OTUB1: variants seen among roughly 807,000 people sequenced by gnomAD.
OTUB1 encodes OTU deubiquitinase, ubiquitin aldehyde binding 1.
Under a neutral mutation model 35.8 loss-of-function variants are expected in OTUB1, and 10 were observed. The observed-to-expected ratio is 0.28, with a 90% CI of 0.17 to 0.47. The LOEUF (loss-of-function observed/expected upper bound fraction) is 0.47, where lower values mean the gene tolerates loss of function less well. OTUB1 is among the 20% of genes least tolerant of loss of function. OTUB1 has a pLI of 0.99. For missense variants in OTUB1, 264 were observed against 351.6 expected, an observed-to-expected ratio of 0.75 and a Z score of 1.99; for synonymous variants, 158 against 143.8, an observed-to-expected ratio of 1.10 and a Z score of -0.71.
At chr11:63,986,692 A>AC (rs924170025) in intron 1 of OTUB1, 178 bp downstream of exon 1, 23 of 539,578 alleles carry the variant, frequency 4.3e-5, no homozygotes, top group African/African-American at 3.6e-4. Context: ...CACCGCCGCG[A>AC]CCCCCGGCCG....
chr11:63,990,079 A>C (rs1036678078), intron 3 of OTUB1: 5 of 151,444 alleles, frequency 3.3e-5, no homozygotes, highest in African/African-American at 1.2e-4. Flanking sequence ...CAGGCTGGGC[A>C]GGAGCTGATG....
rs1263759554 is a variant in OTUB1 at position 63,997,113 on chromosome 11, A to G, written c.487A>G (p.Asn163Asp). The change falls in exon 6 of 7, where the codon AAT becomes GAT. Residue 163 changes from asparagine (N) to aspartate (D), a missense_variant. Coordinates refer to ENST00000538426, the MANE Select transcript of OTUB1 (RefSeq NM_017670.3). ...TGTCGCCGACCTGCTGGCCTCCTTC[A>G]ATGACCAGAGCACCTCCGACTACCT... ...TSVADLLASF[N>D]DQSTSDYLVV... 1.2e-6 allele frequency: 2 copies of G among 1,614,158 alleles called. No homozygotes were observed. The highest frequency in any genetic ancestry group is 1.7e-6 in the Non-Finnish European group (2 of 1,180,020).
chr11:63,997,370 G>A lies in OTUB1; in HGVS notation c.640G>A (p.Glu214Lys). The A allele has an allele frequency of 6.2e-7, 1 of 1,614,100 alleles. No individual in the cohort carries two copies. Among genetic ancestry groups the A allele is most frequent in the Non-Finnish European group, 8.5e-7 (1 of 1,180,018 alleles). ...ACAGGAGGTGGAGCCCATGTGCAAG[G>A]AGAGCGACCACATCCACATCATTGC... Reference protein sequence around the residue: ...CQQEVEPMCKESDHIHIIALA... With the variant: ...CQQEVEPMCKKSDHIHIIALA... Residue 214 changes from glutamate (E) to lysine (K), a missense_variant, in exon 7 of 7, where the codon GAG (glutamate) becomes AAG (lysine). Physicochemically the swap from Glu to Lys is moderately conservative, Grantham distance 56. Coordinates refer to ENST00000538426, the MANE Select transcript of OTUB1 (RefSeq NM_017670.3).
chr11:63,996,970 G>A lies in OTUB1; in HGVS notation c.423+29G>A, dbSNP rs760288744. On this transcript the variant is annotated intron_variant, in intron 5 of 6. Coordinates refer to ENST00000538426, the MANE Select transcript of OTUB1 (RefSeq NM_017670.3). ...AGCCCTGGTGCCTGTCTTGGGCTGG[G>A]CCATGGGGGAGGGGTTCACCTGGTG... 10 of 1,613,524 alleles carry A rather than the reference G, an allele frequency of 6.2e-6. No individual in the cohort carries two copies. In the East Asian group the frequency reaches 1.6e-4, roughly 25 times the overall value.
chr11:63,993,535 G>A (rs900555911), intron 3 of OTUB1, among the ~76,000 whole-genome samples: 4 of 151,994 alleles, frequency 2.6e-5, no homozygotes, highest in Admixed American at 1.3e-4. Context: ...ATAGTGGCGC[G>A]CGCCTGTAGT....
At position 63,986,461 on chromosome 11, in the gene OTUB1, C is replaced by T; in HGVS notation, c.5C>T (p.Ala2Val). The change falls in exon 1 of 7, where the codon GCG becomes GTG. Residue 2 changes from alanine to valine, a missense_variant. By Grantham distance (64) the Ala-to-Val change is moderately conservative. Transcript: ENST00000538426. ...GTAGTGCGGCGCTGTTTAAAGATGG[C>T]GGCGGAGGAACCTCAGCAGCAGAAG... M[A>V]AEEPQQQKQE... 1 of 1,554,872 alleles carries T rather than the reference C, an allele frequency of 6.4e-7. No homozygotes were observed. The highest frequency in any genetic ancestry group is 8.7e-7 in the Non-Finnish European group (1 of 1,149,396).
At chr11:63,995,786 G>C (rs1439469473) in intron 3 of OTUB1, among the ~76,000 whole-genome samples, 1 of 152,062 alleles carries the variant, frequency 6.6e-6, no homozygotes, top group Non-Finnish European at 1.5e-5. Context: ...TCATCAGCTG[G>C]GGGTAGGAGC....
chr11:63,987,625 G>A (rs1468206865), intron 1 of OTUB1, among the ~76,000 whole-genome samples: 1 of 152,220 alleles, frequency 6.6e-6, no homozygotes, highest in Non-Finnish European at 1.5e-5. Flanking sequence ...GGGTTTGACC[G>A]CAGGTCTTTT....
In OTUB1 at chr11:63,997,899, G is replaced by A. The variant is rs995857337; in HGVS notation, c.*353G>A. Reference sequence around the variant, plus strand: ...TTCCTTCCCTTCTTAGCTGGCTCAGGGGCTTCTATGGGATCCTGGAAGTTC... The same window carrying A: ...TTCCTTCCCTTCTTAGCTGGCTCAGAGGCTTCTATGGGATCCTGGAAGTTC... On this transcript the variant is annotated 3_prime_UTR_variant, in exon 7 of 7. Transcript: ENST00000538426. 4.9e-6 allele frequency: 3 copies of A among 614,938 alleles called. No homozygotes were observed. The East Asian group carries it at 8.2e-5, about 17-fold the overall frequency. The allele number at this position is 614,938 out of a possible 1,614,324, so 38.1% of individuals were successfully genotyped here. A position where few individuals can be genotyped will look rare whatever the true frequency, so the allele number is the denominator to read the frequency against.
intron 3 of OTUB1, chr11:63,989,008 T>C: frequency 1.0e-5 from 3 of 292,018 alleles, no homozygotes; most frequent in Non-Finnish European, 1.9e-5. Flanking sequence ...GAGCAAAACT[T>C]CATCTCAGAA....
chr11:63,996,849 AC>A lies in OTUB1; in HGVS notation c.339-3del. The stretch of plus-strand genomic sequence containing the variant: ...CATGCTGGGCCCGCCTTTCCATCCC[AC>A]CCCCAGGTTCAAGGCTGTGTCTGCC... On this transcript the variant is annotated splice_region_variant and splice_polypyrimidine_tract_variant and intron_variant, in intron 4 of 6. Coordinates refer to ENST00000538426, the MANE Select transcript of OTUB1 (RefSeq NM_017670.3). 1 of 1,613,830 alleles carries A rather than the reference AC, an allele frequency of 6.2e-7. No individual in the cohort carries two copies. Among genetic ancestry groups the A allele is most frequent in the South Asian group, 1.1e-5 (1 of 91,060 alleles).
At position 63,997,454 on chromosome 11, in the gene OTUB1, G is replaced by A. The variant is rs1332837418; in HGVS notation, c.724G>A (p.Gly242Ser). The change falls in exon 7 of 7, where the codon GGC becomes AGC. Residue 242 changes from glycine to serine, a missense_variant. Physicochemically the swap from Gly to Ser is moderately conservative, Grantham distance 56 (BLOSUM62 0). Around this residue, in one of 2 missense-constraint regions of OTUB1, gnomAD observed 214 missense variants for 317.1 expected, o/e 0.67. Coordinates refer to ENST00000538426, the MANE Select transcript of OTUB1 (RefSeq NM_017670.3). ...QVEYMDRGEG[G>S]TTNPHIFPEG... is the part of the protein sequence containing the mutation. ...GGAGTACATGGACCGCGGCGAGGGC[G>A]GCACCACCAATCCGCACATCTTCCC... The A allele has an allele frequency of 4.3e-6, 7 of 1,613,978 alleles. No individual in the cohort carries two copies. Among genetic ancestry groups the A allele is most frequent in the East Asian group, 2.2e-5 (1 of 44,892 alleles).
intron 3 of OTUB1, among the ~76,000 whole-genome samples, chr11:63,995,664 C>T (rs980604334): frequency 7.3e-5 from 11 of 151,354 alleles, no homozygotes; most frequent in African/African-American, 2.7e-4. Context: ...TGGGGGTGGG[C>T]TAGTGTGGAG....
At chr11:63,990,608 ATAAAT>A (rs1942664667) in intron 3 of OTUB1, 1 of 151,426 alleles carries the variant, frequency 6.6e-6, no homozygotes, top group Non-Finnish European at 1.5e-5. Context: ...AAATAAATAA[ATAAAT>A]AAATAAATAA....
intron 3 of OTUB1, chr11:63,988,995 T>A: frequency 2.8e-6 from 1 of 351,302 alleles, no homozygotes; most frequent in South Asian, 7.4e-5. Flanking sequence ...GCCTGGGTGA[T>A]AAGAGCAAAA....
Position 63,986,464 on chromosome 11 carries a change from C to T in OTUB1, c.8C>T (p.Ala3Val). 1 of 1,555,136 alleles carries T rather than the reference C, an allele frequency of 6.4e-7. No individual in the cohort carries two copies. Among genetic ancestry groups the T allele is most frequent in the Non-Finnish European group, 8.7e-7 (1 of 1,149,594 alleles). The stretch of plus-strand genomic sequence containing the variant: ...GTGCGGCGCTGTTTAAAGATGGCGG[C>T]GGAGGAACCTCAGCAGCAGAAGCAG... Reference protein sequence around the residue: MAAEEPQQQKQEP... With the variant: MAVEEPQQQKQEP... The change falls in exon 1 of 7, where the codon GCG (alanine) becomes GTG (valine). Residue 3 changes from alanine (A) to valine (V), a missense_variant. Transcript: ENST00000538426.
At chr11:63,987,933 C>G (rs1942636212) in intron 1 of OTUB1, among the ~76,000 whole-genome samples, 1 of 152,068 alleles carries the variant, frequency 6.6e-6, no homozygotes, top group South Asian at 2.1e-4. Context: ...GCACCTCTGC[C>G]CCTTCATTTT....
In OTUB1 at chr11:63,997,742, G is replaced by A. The variant is rs1176907489; in HGVS notation, c.*196G>A. On this transcript the variant is annotated 3_prime_UTR_variant, in exon 7 of 7. Coordinates refer to ENST00000538426, the MANE Select transcript of OTUB1 (RefSeq NM_017670.3). ...TCCCTGCTCTGCTGCCCGCCTGGCT[G>A]CTCTGTCTGCTGCCCCCTCCCCCCA... 1.4e-6 allele frequency: 1 copy of A among 703,480 alleles called. No individual in the cohort carries two copies. The allele number at this position is 703,480 out of a possible 1,614,324, so 43.6% of individuals were successfully genotyped here.
At chr11:63,991,257 G>A (rs924998111) in intron 3 of OTUB1, among the ~76,000 whole-genome samples, 1 of 152,288 alleles carries the variant, frequency 6.6e-6, no homozygotes, top group East Asian at 1.9e-4. Context: ...TGTTACGGGC[G>A]GTTGTAAGCA....
Sources: allele counts gnomAD v4.1 joint callset (sites outside exome capture counted in the v4.1 genomes callset), GRCh38; gene constraint gnomAD v4.1.1; regional missense constraint gnomAD v4.1.1; transcripts MANE v1.5; gene names NCBI Gene and HGNC (gene_info 2026-07-23, HGNC 2026-07-21).